TNFAIP8: variants seen among roughly 807,000 people sequenced by gnomAD.
TNFAIP8 encodes tumor necrosis factor alpha-induced protein 8.
Under a neutral mutation model 13.3 loss-of-function variants are expected in TNFAIP8, and 7 were observed. That is an observed-to-expected ratio of 0.52 (90% CI 0.30 to 0.99). The LOEUF is 0.99. TNFAIP8 is among the 50% of genes least tolerant of loss of function. The probability of loss-of-function intolerance (pLI) is 0.07; values close to 1 mark genes in which losing one functional copy is unlikely to be tolerated. For synonymous variants in TNFAIP8, 94 were observed against 87.6 expected (o/e 1.07, Z -0.41); for missense variants, 258 against 236.9 (o/e 1.09, Z -0.58).
intron 1 of TNFAIP8, among the ~76,000 whole-genome samples, chr5:119,329,587 A>T (rs1581609111): frequency 6.6e-6 from 1 of 152,264 alleles, no homozygotes; most frequent in African/African-American, 2.4e-5. Context: ...TTGCGATATG[A>T]TATGAAGAGA....
At chr5:119,310,944 A>G (rs1017877383) in intron 1 of TNFAIP8, among the ~76,000 whole-genome samples, 2 of 152,146 alleles carry the variant, frequency 1.3e-5, no homozygotes, top group African/African-American at 2.4e-5. Context: ...AGAGTTTTCA[A>G]ACAAAAGCAT....
Position 119,388,640 on chromosome 5 carries a change from C to G in TNFAIP8, c.32-4176C>G, listed in dbSNP as rs1234714970. On this transcript the variant is annotated intron_variant, in intron 1 of 1. Coordinates refer to ENST00000504771, the MANE Select transcript of TNFAIP8 (RefSeq NM_014350.4). ...CATGAAGCATCTTTTTTTTTCTTTT[C>G]TTTTCTTTTCTTTTCTGAGACAGGG... is the stretch of plus-strand genomic sequence containing the variant. Among the ~76,000 whole-genome samples the G allele has an allele frequency of 4.0e-5, 6 of 151,390 alleles. No individual in the cohort carries two copies. In the South Asian group the frequency reaches 8.3e-4, roughly 21 times the overall value.
At chr5:119,338,273 C>T (rs1750626354) in intron 1 of TNFAIP8, among the ~76,000 whole-genome samples, 1 of 151,748 alleles carries the variant, frequency 6.6e-6, no homozygotes, top group Non-Finnish European at 1.5e-5. Context: ...AGGCAGGCAG[C>T]CACCCCCAGT....
At chr5:119,318,455 A>T (rs1749961458) in intron 1 of TNFAIP8, among the ~76,000 whole-genome samples, 1 of 151,598 alleles carries the variant, frequency 6.6e-6, no homozygotes, top group African/African-American at 2.4e-5. Context: ...TGCTTGGCTA[A>T]TTTTTTTTAT....
chr5:119,376,061 C>T (rs1260172725), intron 1 of TNFAIP8, among the ~76,000 whole-genome samples: 2 of 151,956 alleles, frequency 1.3e-5, no homozygotes, highest in Non-Finnish European at 1.5e-5. Context: ...AAACACTTTC[C>T]ACCCAAAGAA....
chr5:119,340,945 A>G (rs1195833817), intron 1 of TNFAIP8, among the ~76,000 whole-genome samples: 2 of 152,170 alleles, frequency 1.3e-5, no homozygotes, highest in East Asian at 3.8e-4. Flanking sequence ...TGGGACATCC[A>G]GATGTCGGGG....
intron 1 of TNFAIP8, among the ~76,000 whole-genome samples, chr5:119,364,603 C>G (rs1751760946): frequency 6.6e-6 from 1 of 152,154 alleles, no homozygotes; most frequent in African/African-American, 2.4e-5. Flanking sequence ...CCACCTTGGC[C>G]TACCAAAGTG....
At position 119,284,671 on chromosome 5, in the gene TNFAIP8, G is replaced by A. The variant is rs112077944; in HGVS notation, c.1+15764G>A. On this transcript the variant is annotated intron_variant, in intron 1 of 1. Transcript: ENST00000274456. The stretch of plus-strand genomic sequence containing the variant: ...ACTCCAGCCTGGGTGACAGAGCGAG[G>A]CTCCATCTAGAAAAAAAAAAAAAAT... Among the ~76,000 whole-genome samples, 1,514 of 151,474 alleles carry A rather than the reference G, an allele frequency of 1.0e-2. 17 individuals carry two copies. The highest frequency in any genetic ancestry group is 0.035 in the African/African-American group (1,422 of 41,188).
intron 1 of TNFAIP8, among the ~76,000 whole-genome samples, chr5:119,291,143 C>T (rs2150810767): frequency 6.6e-6 from 1 of 152,306 alleles, no homozygotes; most frequent in East Asian, 1.9e-4. Context: ...CACTTTTGCC[C>T]ATGTCCCTTG....
At chr5:119,273,451 G>A (rs183531890) in intron 1 of TNFAIP8, among the ~76,000 whole-genome samples, 68 of 152,286 alleles carry the variant, frequency 4.5e-4, no homozygotes, top group African/African-American at 1.5e-3. Flanking sequence ...CACAACTTCA[G>A]TGATTGCTAG....
intron 1 of TNFAIP8, among the ~76,000 whole-genome samples, chr5:119,273,733 A>T (rs1162864974): frequency 6.6e-6 from 1 of 152,216 alleles, no homozygotes; most frequent in Non-Finnish European, 1.5e-5. Flanking sequence ...TGCAAAGGGA[A>T]TCGGGCTGGC....
At position 119,398,128 on chromosome 5, in the gene TNFAIP8, A is replaced by G. The variant is rs189035156; in HGVS notation, c.*4747A>G. The G allele has an allele frequency of 8.1e-4, 123 of 152,324 alleles. 1 individual carries two copies. Among genetic ancestry groups the G allele is most frequent in the African/African-American group, 2.7e-3 (111 of 41,572 alleles). The allele number at this position is 152,324 out of a possible 1,614,324, so 9.4% of individuals were successfully genotyped here. The stretch of plus-strand genomic sequence containing the variant: ...CAAATTTGCATGAGATCTTTATAAG[A>G]TTAGACAGCCAGTGGATAAGGCCCC... On this transcript the variant is annotated 3_prime_UTR_variant, in exon 2 of 2. Coordinates refer to ENST00000504771, the MANE Select transcript of TNFAIP8 (RefSeq NM_014350.4).
At chr5:119,340,548 T>A (rs1323997741) in intron 1 of TNFAIP8, among the ~76,000 whole-genome samples, 7 of 152,244 alleles carry the variant, frequency 4.6e-5, no homozygotes, top group Non-Finnish European at 8.8e-5. Context: ...TTTTCTCATT[T>A]GTGAACAAGT....
At chr5:119,334,933 A>AAGACGTGTACACTCC (rs1750504906) in intron 1 of TNFAIP8, among the ~76,000 whole-genome samples, 1 of 152,130 alleles carries the variant, frequency 6.6e-6, no homozygotes, top group African/African-American at 2.4e-5. Context: ...CGTGTACATA[A>AAGACGTGTACACTCC]AGCTTCCAAG....
At chr5:119,273,183 CTG>C (rs1304592852) in intron 1 of TNFAIP8, among the ~76,000 whole-genome samples, 1 of 152,162 alleles carries the variant, frequency 6.6e-6, no homozygotes, top group Non-Finnish European at 1.5e-5. Flanking sequence ...AGAGTAAAAA[CTG>C]GGGATAGTAT....
chr5:119,380,744 G>A (rs1244144971), intron 1 of TNFAIP8, among the ~76,000 whole-genome samples: 1 of 152,148 alleles, frequency 6.6e-6, no homozygotes, highest in Admixed American at 6.5e-5. Context: ...TTGTAGCCTA[G>A]CGGTAGAGTT....
chr5:119,275,495 C>T (rs145069999), intron 1 of TNFAIP8, among the ~76,000 whole-genome samples: 22 of 152,280 alleles, frequency 1.4e-4, no homozygotes, highest in African/African-American at 2.4e-4. Flanking sequence ...AGTTGCCAAG[C>T]GGACCGTTTC....
intron 1 of TNFAIP8, among the ~76,000 whole-genome samples, chr5:119,366,949 G>T (rs544413930): frequency 3.4e-4 from 52 of 152,290 alleles, no homozygotes; most frequent in African/African-American, 1.1e-3. Flanking sequence ...GGACATGAGG[G>T]AGAGGAGATG....
At chr5:119,347,396 T>G (rs1490148754) in intron 1 of TNFAIP8, among the ~76,000 whole-genome samples, 1 of 152,218 alleles carries the variant, frequency 6.6e-6, no homozygotes, top group African/African-American at 2.4e-5. Flanking sequence ...TTTGCTAAGT[T>G]CAGTAGTAAA....
Sources: allele counts gnomAD v4.1 joint callset (sites outside exome capture counted in the v4.1 genomes callset), GRCh38; gene constraint gnomAD v4.1.1; transcripts MANE v1.5; gene names NCBI Gene and HGNC (gene_info 2026-07-23, HGNC 2026-07-21).